The following CNTNAP4 variants were observed in gnomAD, a reference collection of about 807,000 sequenced individuals.
The protein encoded by CNTNAP4 is contactin-associated protein-like 4.
A neutral mutation model predicts 148.4 loss-of-function variants in CNTNAP4; 98 were observed. The ratio of observed to expected loss-of-function variants is 0.66; its 90% confidence interval spans 0.56 to 0.78. CNTNAP4 has a LOEUF of 0.78. Ranked by LOEUF, CNTNAP4 falls within the 30% of genes least tolerant of loss-of-function variation. The pLI is 0.00. For synonymous variants in CNTNAP4, 730 were observed against 565.1 expected, an observed-to-expected ratio of 1.29 and a Z score of -4.14; for missense variants, 1,935 against 1,565.6, an observed-to-expected ratio of 1.24 and a Z score of -3.98.
At chr16:76,278,482 T>C (rs757375491) in intron 1 of CNTNAP4, among the ~76,000 whole-genome samples, 3 of 152,196 alleles carry the variant, frequency 2.0e-5, no homozygotes, top group Non-Finnish European at 4.4e-5. Context: ...TTAGGGAAGA[T>C]TGAAATCTTA....
Position 76,460,773 on chromosome 16 carries a change from AATAT to A in CNTNAP4, c.1334-1164_1334-1161del, listed in dbSNP as rs150425968. On this transcript the variant is annotated intron_variant, in intron 8 of 23. Coordinates refer to ENST00000611870, the MANE Select transcript of CNTNAP4 (RefSeq NM_033401.5). ...TGTCTCAAAAAAAAAAAAAAAAAAA[AATAT>A]ATATATATATATATATATTTAGAAT... is the stretch of plus-strand genomic sequence containing the variant. 6.5e-4 allele frequency among the ~76,000 whole-genome samples: 37 copies of A among 57,312 alleles called. 2 individuals are homozygous for A. The highest frequency in any genetic ancestry group is 0.014 in the Middle Eastern group (1 of 72). The allele number at this position is 57,312 out of a possible 152,430, so 37.6% of individuals were successfully genotyped here.
chr16:76,302,895 C>G (rs959300129), intron 1 of CNTNAP4, among the ~76,000 whole-genome samples: 1 of 152,128 alleles, frequency 6.6e-6, no homozygotes, highest in African/African-American at 2.4e-5. Flanking sequence ...TTAGGGAGAT[C>G]AGGAGCTGGA....
chr16:76,368,976 G>T (rs2014478717), intron 3 of CNTNAP4, among the ~76,000 whole-genome samples: 1 of 151,158 alleles, frequency 6.6e-6, no homozygotes, highest in Admixed American at 6.6e-5. Flanking sequence ...TCTCAACATA[G>T]TATAAGTATG....
intron 3 of CNTNAP4, among the ~76,000 whole-genome samples, chr16:76,398,600 A>G (rs1221939215): frequency 6.6e-6 from 1 of 152,112 alleles, no homozygotes; most frequent in Non-Finnish European, 1.5e-5. Flanking sequence ...GTAGTAGGGT[A>G]TACAAATACT....
At chr16:76,517,358 A>C (rs1032901330) in intron 15 of CNTNAP4, among the ~76,000 whole-genome samples, 2 of 152,178 alleles carry the variant, frequency 1.3e-5, no homozygotes, top group Admixed American at 1.3e-4. Flanking sequence ...GGGGGAAACT[A>C]GATAAAGGGT....
intron 1 of CNTNAP4, among the ~76,000 whole-genome samples, chr16:76,311,219 C>T (rs1961069005): frequency 2.0e-5 from 3 of 152,046 alleles, no homozygotes; most frequent in Admixed American, 2.0e-4. Context: ...ATAAAATTTT[C>T]ATTAATTGAG....
chr16:76,453,056 T>C (rs532784092), intron 8 of CNTNAP4, among the ~76,000 whole-genome samples: 3 of 152,300 alleles, frequency 2.0e-5, no homozygotes, highest in Admixed American at 6.5e-5. Context: ...CCTAAGGTGA[T>C]GTGTTTTGGG....
intron 3 of CNTNAP4, among the ~76,000 whole-genome samples, chr16:76,420,648 C>A (rs2079156533): frequency 6.6e-6 from 1 of 151,856 alleles, no homozygotes; most frequent in Admixed American, 6.6e-5. Context: ...TCCCTAACCC[C>A]ATGAAAGCTG....
At position 76,553,386 on chromosome 16, in the gene CNTNAP4, T is replaced by C. The variant is rs2085046636; in HGVS notation, c.3546T>C (p.Ala1182=). ...QLSHVAPLKA[A]LHPSHPDPVT... ...GCCACGTGGCCCCTCTGAAGGCAGC[T>C]CTGCACCCCAGCCACCCAGACCCTG... The change falls in exon 22 of 24, where the codon GCT becomes GCC. Residue 1182 remains alanine (A), a synonymous_variant. Transcript: ENST00000611870. 1 of 1,612,808 alleles carries C rather than the reference T, an allele frequency of 6.2e-7. No homozygotes were observed. Among genetic ancestry groups the C allele is most frequent in the African/African-American group, 1.3e-5 (1 of 75,022 alleles).
rs768301676 is a variant in CNTNAP4 at position 76,448,977 on chromosome 16, G to A, written c.927+26G>A. The stretch of plus-strand genomic sequence containing the variant: ...GTGTGATGGTTATGTTTCAATTAAT[G>A]CTGATTTTATTATGTATATGTGGTT... On this transcript the variant is annotated intron_variant, in intron 6 of 23. Transcript: ENST00000611870. 4.4e-6 allele frequency: 7 copies of A among 1,595,780 alleles called. No individual in the cohort carries two copies. In the Admixed American group the frequency reaches 1.2e-4, roughly 27 times the overall value.
At chr16:76,387,451 A>C (rs1211098943) in intron 3 of CNTNAP4, among the ~76,000 whole-genome samples, 2 of 152,210 alleles carry the variant, frequency 1.3e-5, no homozygotes, top group Non-Finnish European at 1.5e-5. Flanking sequence ...TTAGGGCTAA[A>C]ATAATTGATT....
intron 1 of CNTNAP4, among the ~76,000 whole-genome samples, chr16:76,296,521 C>G (rs181464358): frequency 2.6e-5 from 4 of 152,118 alleles, no homozygotes; most frequent in African/African-American, 9.7e-5. Flanking sequence ...ATGTGTTCTT[C>G]AAGTTATATT....
In CNTNAP4 at chr16:76,553,842, C is replaced by T. The variant is rs776078327; in HGVS notation, c.3668C>T (p.Ser1223Phe). The change falls in exon 23 of 24, where the codon TCT becomes TTT. Residue 1223 changes from serine (S) to phenylalanine (F), a missense_variant. Ser to Phe is a radical substitution (Grantham distance 155). Coordinates refer to ENST00000611870, the MANE Select transcript of CNTNAP4 (RefSeq NM_033401.5). ...RERTHSFADH[S>F]GTIDDREPLA... is the part of the protein sequence containing the mutation. ...TGTTGTGCTTTAACTGCAGATCATT[C>T]TGGAACAATAGATGACAGAGAGCCC... The T allele has an allele frequency of 6.2e-7, 1 of 1,609,918 alleles. No individual in the cohort carries two copies. Among genetic ancestry groups the T allele is most frequent in the Non-Finnish European group, 8.5e-7 (1 of 1,176,670 alleles).
rs796966865 is a variant in CNTNAP4, at chr16:76,393,436, T to A, written c.391-34016T>A. Among the ~76,000 whole-genome samples, 46 of 152,330 alleles carry A rather than the reference T, an allele frequency of 3.0e-4. 1 individual carries two copies. The highest frequency in any genetic ancestry group is 1.1e-3 in the African/African-American group (46 of 41,576). On this transcript the variant is annotated intron_variant, in intron 3 of 23. Transcript: ENST00000611870. ...CTTAAGACTATCATTTTGGAATTTA[T>A]ATATTCATTCAGTCAGTCTGTACTG... is the stretch of plus-strand genomic sequence containing the variant.
At chr16:76,533,923 A>G (rs559443681) in intron 17 of CNTNAP4, among the ~76,000 whole-genome samples, 40 of 152,334 alleles carry the variant, frequency 2.6e-4, no homozygotes, top group African/African-American at 9.6e-4. Flanking sequence ...TTGAATAGAC[A>G]TTTAAATACA....
intron 3 of CNTNAP4, among the ~76,000 whole-genome samples, chr16:76,367,333 G>T (rs1295014551): frequency 6.6e-6 from 1 of 152,030 alleles, no homozygotes; most frequent in Non-Finnish European, 1.5e-5. Context: ...ATAGGACAAT[G>T]TAAAGATACA....
chr16:76,406,855 C>T (rs1222321689), intron 3 of CNTNAP4, among the ~76,000 whole-genome samples: 3 of 152,132 alleles, frequency 2.0e-5, no homozygotes, highest in Non-Finnish European at 4.4e-5. Flanking sequence ...GTCTCCATAA[C>T]ATAGAAGTAC....
At chr16:76,374,777 A>ATTC (rs2015244249) in intron 3 of CNTNAP4, among the ~76,000 whole-genome samples, 1 of 149,120 alleles carries the variant, frequency 6.7e-6, no homozygotes, top group Non-Finnish European at 1.5e-5. Flanking sequence ...TATTATTATT[A>ATTC]TTATTATTTG....
intron 3 of CNTNAP4, among the ~76,000 whole-genome samples, chr16:76,405,475 C>T (rs895538212): frequency 6.6e-6 from 1 of 152,180 alleles, no homozygotes; most frequent in African/African-American, 2.4e-5. Context: ...TAATAGCTTA[C>T]TGTTGACTGG....
Sources: allele counts gnomAD v4.1 joint callset (sites outside exome capture counted in the v4.1 genomes callset), GRCh38; gene constraint gnomAD v4.1.1; transcripts MANE v1.5; gene names NCBI Gene and HGNC (gene_info 2026-07-23, HGNC 2026-07-21).